Variants in DPP10 observed in about 807,000 individuals in gnomAD.
DPP10 encodes the protein dipeptidyl peptidase like 10, also known as inactive dipeptidyl peptidase 10.
DPP10 carries 33 observed loss-of-function variants against 120.9 expected under a neutral mutation model. The observed-to-expected ratio is 0.27, with a 90% CI of 0.21 to 0.37. DPP10 has a LOEUF of 0.37. DPP10 is among the 10% of genes least tolerant of loss of function. The probability of loss-of-function intolerance (pLI) is 1.00; values close to 1 mark genes in which losing one functional copy is unlikely to be tolerated. For missense variants in DPP10, 816 were observed against 942.8 expected (o/e 0.87, Z 1.76); for synonymous variants, 337 against 326.1 (o/e 1.03, Z -0.36).
chr2:114,890,317 G>C (rs1004750461), intron 1 of DPP10, among the ~76,000 whole-genome samples: 1 of 152,120 alleles, frequency 6.6e-6, no homozygotes, highest in Non-Finnish European at 1.5e-5. Context: ...TTGGGGAAAA[G>C]GCAATTTATA....
At chr2:115,802,429 T>C (rs902602750) in intron 19 of DPP10, among the ~76,000 whole-genome samples, 16 of 152,182 alleles carry the variant, frequency 1.1e-4, no homozygotes, top group Admixed American at 3.3e-4. Flanking sequence ...TCTCTATTTC[T>C]TTCAGTTCTG....
At chr2:114,819,005 G>A (rs375391723) in intron 1 of DPP10, among the ~76,000 whole-genome samples, 7 of 151,954 alleles carry the variant, frequency 4.6e-5, no homozygotes, top group Non-Finnish European at 8.8e-5. Flanking sequence ...TTAGTGATAC[G>A]TTACCTAACT....
chr2:115,790,342 G>A (rs1683827464), intron 17 of DPP10, among the ~76,000 whole-genome samples: 1 of 151,568 alleles, frequency 6.6e-6, no homozygotes, highest in Admixed American at 6.6e-5. Context: ...GCCTCCCAAA[G>A]TGCTGGGATT....
chr2:115,195,776 G>T (rs775192858), intron 1 of DPP10, among the ~76,000 whole-genome samples: 1 of 152,040 alleles, frequency 6.6e-6, no homozygotes, highest in African/African-American at 2.4e-5. Context: ...TTCCCTCAAT[G>T]GCCATGGCAT....
chr2:115,171,463 A>G (rs887771864), intron 1 of DPP10, among the ~76,000 whole-genome samples: 35 of 152,130 alleles, frequency 2.3e-4, no homozygotes, highest in Middle Eastern at 3.2e-3. Context: ...TAGCCATGAC[A>G]TGAATGATAA....
At chr2:115,097,750 G>GA (rs1230886215) in intron 1 of DPP10, among the ~76,000 whole-genome samples, 2 of 152,170 alleles carry the variant, frequency 1.3e-5, no homozygotes, top group Non-Finnish European at 2.9e-5. Context: ...ATTGCACGTA[G>GA]AAAATAAAGC....
intron 1 of DPP10, among the ~76,000 whole-genome samples, chr2:114,663,246 A>ATC (rs1697574075): frequency 7.1e-6 from 1 of 141,150 alleles, no homozygotes; most frequent in African/African-American, 2.8e-5. Flanking sequence ...TTGTGTGTGT[A>ATC]TATATATATA....
chr2:114,552,711 A>G (rs1255866366), intron 1 of DPP10, among the ~76,000 whole-genome samples: 1 of 151,948 alleles, frequency 6.6e-6, no homozygotes, highest in African/African-American at 2.4e-5. Flanking sequence ...ACACCTGGCT[A>G]ATTTTTTTAT....
intron 1 of DPP10, among the ~76,000 whole-genome samples, chr2:114,578,356 CTTTA>C (rs937668577): frequency 1.1e-4 from 17 of 152,180 alleles, no homozygotes; most frequent in South Asian, 2.1e-4. Flanking sequence ...ATTACCATGT[CTTTA>C]TTTATATAGG....
At chr2:115,840,323 T>TTG (rs1689988182) in intron 24 of DPP10, among the ~76,000 whole-genome samples, 1 of 112,938 alleles carries the variant, frequency 8.9e-6, no homozygotes, top group African/African-American at 3.5e-5. Context: ...TTTTTGGTTT[T>TTG]TTTTTTTTTT....
intron 5 of DPP10, among the ~76,000 whole-genome samples, chr2:115,641,102 A>G (rs2086739758): frequency 6.6e-6 from 1 of 152,162 alleles, no homozygotes; most frequent in Admixed American, 6.6e-5. Context: ...CAACAATTGT[A>G]CTGATTCTAA....
At chr2:115,732,185 T>A (rs2092926973) in intron 8 of DPP10, among the ~76,000 whole-genome samples, 1 of 152,168 alleles carries the variant, frequency 6.6e-6, no homozygotes, top group Non-Finnish European at 1.5e-5. Context: ...ATGTAACATT[T>A]CAACTTTTTT....
intron 5 of DPP10, among the ~76,000 whole-genome samples, chr2:115,645,366 G>T (rs2087150069): frequency 6.6e-6 from 1 of 152,080 alleles, no homozygotes; most frequent in Non-Finnish European, 1.5e-5. Context: ...ATCCCTGCAT[G>T]ACTATGATAA....
rs934175132 is a variant in DPP10, at chr2:114,885,258, T to C, written c.61-423981T>C. On this transcript the variant is annotated intron_variant, in intron 1 of 25. Transcript: ENST00000410059. ...GAACAATCATGTCACATGGTGAGAATGGGGGGGACAGAGAGTGTGGAGGCG... is the reference window on the plus strand; with the variant it reads ...GAACAATCATGTCACATGGTGAGAACGGGGGGGACAGAGAGTGTGGAGGCG... Among the ~76,000 whole-genome samples the C allele has an allele frequency of 2.0e-5, 3 of 151,978 alleles. No homozygotes were observed. The East Asian group carries it at 5.8e-4, about 29-fold the overall frequency.
intron 3 of DPP10, among the ~76,000 whole-genome samples, chr2:115,446,055 GT>G (rs1179664158): frequency 1.3e-5 from 2 of 152,184 alleles, no homozygotes; most frequent in Non-Finnish European, 2.9e-5. Flanking sequence ...TTGGTGTCCT[GT>G]AGCCCAGCTG....
intron 3 of DPP10, among the ~76,000 whole-genome samples, chr2:115,454,810 C>T (rs1333089329): frequency 6.6e-6 from 1 of 151,438 alleles, no homozygotes; most frequent in African/African-American, 2.4e-5. Context: ...TGACATGATC[C>T]TTTATGCAGA....
chr2:115,485,994 T>A (rs1286552616), intron 3 of DPP10, among the ~76,000 whole-genome samples: 2 of 152,160 alleles, frequency 1.3e-5, no homozygotes, highest in African/African-American at 2.4e-5. Context: ...GAATAAAGTC[T>A]GATCTAAACC....
At chr2:114,619,564 T>C (rs911106178) in intron 1 of DPP10, among the ~76,000 whole-genome samples, 22 of 151,802 alleles carry the variant, frequency 1.4e-4, no homozygotes, top group African/African-American at 5.1e-4. Flanking sequence ...ACCACAACTC[T>C]GAAAGGATTT....
intron 1 of DPP10, among the ~76,000 whole-genome samples, chr2:114,655,728 T>C (rs1558972447): frequency 6.6e-6 from 1 of 152,140 alleles, no homozygotes; most frequent in Non-Finnish European, 1.5e-5. Context: ...TATGGTTGTG[T>C]GGTTACCTTT....
Sources: gnomAD v4.1 joint callset for allele counts (sites outside exome capture counted in the v4.1 genomes callset) on GRCh38, gnomAD v4.1.1 for gene constraint, MANE v1.5 for transcripts, NCBI Gene and HGNC (gene_info 2026-07-23, HGNC 2026-07-21) for gene names.